EML6: variants seen among roughly 807,000 people sequenced by gnomAD.
EML6 encodes the protein echinoderm microtubule-associated protein-like 6.
A neutral mutation model predicts 240.1 loss-of-function variants in EML6; 154 were observed. The ratio of observed to expected loss-of-function variants is 0.64; its 90% confidence interval spans 0.56 to 0.73. EML6 has a LOEUF of 0.73. EML6 is among the 30% of genes least tolerant of loss of function. EML6 has a pLI of 0.00. For missense variants in EML6, 2,964 were observed against 2,474.6 expected, an observed-to-expected ratio of 1.20 and a Z score of -4.20; for synonymous variants, 1,148 against 899.0, an observed-to-expected ratio of 1.28 and a Z score of -4.95.
chr2:54,780,076 C>A (rs1199626503), intron 2 of EML6, among the ~76,000 whole-genome samples: 1 of 151,978 alleles, frequency 6.6e-6, no homozygotes, highest in Non-Finnish European at 1.5e-5. Context: ...CTACTATTCA[C>A]GGTTGTATAT....
intron 24 of EML6, among the ~76,000 whole-genome samples, chr2:54,907,959 A>T (rs1673433064): frequency 1.6e-5 from 1 of 61,348 alleles, no homozygotes; most frequent in Admixed American, 1.5e-4. Context: ...ATAGATAGAT[A>T]GATAGATAGA....
At chr2:54,740,376 G>A (rs1341721456) in intron 2 of EML6, among the ~76,000 whole-genome samples, 1 of 152,140 alleles carries the variant, frequency 6.6e-6, no homozygotes, top group Non-Finnish European at 1.5e-5. Context: ...CAAGAACAGA[G>A]AGAGTGTCAA....
intron 7 of EML6, among the ~76,000 whole-genome samples, chr2:54,843,056 G>A (rs1304442223): frequency 1.3e-5 from 2 of 152,182 alleles, no homozygotes; most frequent in Non-Finnish European, 2.9e-5. Flanking sequence ...CTGTTCTGTA[G>A]TGTCACCCAC....
chr2:54,908,378 T>A (rs1454792620), intron 24 of EML6, among the ~76,000 whole-genome samples: 2 of 151,954 alleles, frequency 1.3e-5, no homozygotes, highest in African/African-American at 4.8e-5. Flanking sequence ...CCCGGCTAAT[T>A]TTTTTTCTGT....
At chr2:54,849,853 C>A in intron 9 of EML6, 109 bp from the exon 10 acceptor site, 2 of 810,466 alleles carry the variant, frequency 2.5e-6, no homozygotes, top group Non-Finnish European at 3.8e-6. Context: ...TTAATTCCTG[C>A]AGGTTTGGTT....
intron 11 of EML6, among the ~76,000 whole-genome samples, chr2:54,856,059 T>C (rs763445530): frequency 6.6e-6 from 1 of 152,272 alleles, no homozygotes; most frequent in Non-Finnish European, 1.5e-5. Flanking sequence ...TTTGCAATTA[T>C]ATGTGTATAA....
In EML6 at chr2:54,956,204, A is replaced by G. The variant is rs192955675; in HGVS notation, c.4487-1586A>G. On this transcript the variant is annotated intron_variant, in intron 32 of 41. Transcript: ENST00000356458. ...CATGAAATTAAAACAAGGAAAATAT[A>G]AACAGTGGCTTTGAAAAAATGTGCA... Among the ~76,000 whole-genome samples the G allele has an allele frequency of 2.8e-4, 43 of 152,204 alleles. 1 individual carries two copies. In the East Asian group the frequency reaches 3.5e-3, roughly 12 times the overall value.
intron 10 of EML6, among the ~76,000 whole-genome samples, chr2:54,850,771 C>T (rs1359274835): frequency 6.6e-6 from 1 of 152,098 alleles, no homozygotes; most frequent in Non-Finnish European, 1.5e-5. Flanking sequence ...CATGTGCGCA[C>T]AAGGATGTTT....
At chr2:54,941,935 A>G (rs1053535423) in intron 28 of EML6, among the ~76,000 whole-genome samples, 1 of 152,256 alleles carries the variant, frequency 6.6e-6, no homozygotes, top group African/African-American at 2.4e-5. Context: ...TGAAATTATA[A>G]TATCTATTAA....
intron 26 of EML6, among the ~76,000 whole-genome samples, chr2:54,925,825 C>T (rs984808652): frequency 1.3e-5 from 2 of 152,168 alleles, no homozygotes; most frequent in East Asian, 1.9e-4. Context: ...CATAGCCTCC[C>T]TTCCCTTCCG....
intron 2 of EML6, among the ~76,000 whole-genome samples, chr2:54,803,338 A>G (rs992670221): frequency 7.2e-5 from 11 of 152,208 alleles, no homozygotes; most frequent in Admixed American, 1.3e-4. Flanking sequence ...TAGGACCTCA[A>G]TTTAGCCCTA....
At chr2:54,754,050 G>A (rs1318664118) in intron 2 of EML6, among the ~76,000 whole-genome samples, 1 of 149,642 alleles carries the variant, frequency 6.7e-6, no homozygotes, top group Non-Finnish European at 1.5e-5. Context: ...CAGGAGAATT[G>A]CTTGAACCCA....
At chr2:54,826,934 A>C (rs1668626559) in intron 5 of EML6, among the ~76,000 whole-genome samples, 1 of 152,270 alleles carries the variant, frequency 6.6e-6, no homozygotes, top group African/African-American at 2.4e-5. Context: ...GCACTTTGGG[A>C]GGCCGAGGAG....
intron 28 of EML6, among the ~76,000 whole-genome samples, chr2:54,939,812 C>A (rs1675336544): frequency 6.6e-6 from 1 of 152,186 alleles, no homozygotes; most frequent in Non-Finnish European, 1.5e-5. Flanking sequence ...GAATTCCTCT[C>A]CCAATTCTCT....
At chr2:54,871,643 A>C (rs1269319498) in intron 16 of EML6, 38 bp downstream of exon 16, 1 of 1,089,686 alleles carries the variant, frequency 9.2e-7, no homozygotes, top group Non-Finnish European at 1.3e-6. Context: ...TTCTACGTTG[A>C]GAGAGAGAGA....
chr2:54,802,625 T>C (rs1270632249), intron 2 of EML6, among the ~76,000 whole-genome samples: 4 of 92,430 alleles, frequency 4.3e-5, no homozygotes, highest in Admixed American at 1.1e-4. Flanking sequence ...CTCATACTAC[T>C]ACTACTACTA....
chr2:54,820,293 G>T, intron 4 of EML6, 101 bp from the exon 5 acceptor site: 1 of 703,692 alleles, frequency 1.4e-6, no homozygotes. Flanking sequence ...GTAACATTGT[G>T]TTCTAAATGT....
At chr2:54,931,138 T>C (rs1573168174) in intron 28 of EML6, among the ~76,000 whole-genome samples, 2 of 152,056 alleles carry the variant, frequency 1.3e-5, no homozygotes, top group South Asian at 2.1e-4. Context: ...TTTGTATTTT[T>C]AGTAGAGACG....
chr2:54,939,913 A>G (rs1675342488), intron 28 of EML6, among the ~76,000 whole-genome samples: 1 of 152,212 alleles, frequency 6.6e-6, no homozygotes, highest in Non-Finnish European at 1.5e-5. Context: ...GCGGCCCGGC[A>G]CAAGCAAACA....
Sources: allele counts gnomAD v4.1 joint callset (sites outside exome capture counted in the v4.1 genomes callset), GRCh38; gene constraint gnomAD v4.1.1; transcripts MANE v1.5; gene names NCBI Gene and HGNC (gene_info 2026-07-23, HGNC 2026-07-21).